Variants in TEX11 observed in about 807,000 individuals in gnomAD.
The protein encoded by TEX11 is testis expressed 11.
Under a neutral mutation model 84.4 loss-of-function variants are expected in TEX11, and 7 were observed. The ratio of observed to expected loss-of-function variants is 0.08; its 90% confidence interval spans 0.05 to 0.16. TEX11 has a LOEUF of 0.16. Ranked by LOEUF, TEX11 falls within the 10% of genes least tolerant of loss-of-function variation. The pLI is 1.00. For missense variants in TEX11, 551 were observed against 660.5 expected, an observed-to-expected ratio of 0.83 and a Z score of 1.82; for synonymous variants, 264 against 222.8, an observed-to-expected ratio of 1.18 and a Z score of -1.64.
At chrX:70,808,605 G>A (rs754630416) in intron 8 of TEX11, among the ~76,000 whole-genome samples, 1 of 108,611 alleles carries the variant, frequency 9.2e-6, no homozygotes, top group South Asian at 4.0e-4. Context: ...ATGCCTGAAG[G>A]GATGAATACT....
chrX:70,529,175 A>G lies in TEX11; in HGVS notation c.2698T>C (p.Tyr900His), dbSNP rs1011465821. The change falls in exon 30 of 30, where the codon TAT (tyrosine) becomes CAT (histidine). Residue 900 changes from tyrosine (Y) to histidine (H), a missense_variant. Coordinates refer to ENST00000374333, the MANE Select transcript of TEX11 (RefSeq NM_031276.3). Reference protein sequence around the residue: ...ESYETQMNMLYSQLVEALSNN... With the variant: ...ESYETQMNMLHSQLVEALSNN... ...CTCAATGCTTCCACAAGCTGACTAT[A>G]CAGCATATTCATCTGGGAAAGAGAA... is the stretch of plus-strand genomic sequence containing the variant. 1 of 1,202,771 alleles carries G rather than the reference A, an allele frequency of 8.3e-7. No homozygotes were observed. Among genetic ancestry groups the G allele is most frequent in the African/African-American group, 1.7e-5 (1 of 57,600 alleles).
intron 7 of TEX11, among the ~76,000 whole-genome samples, chrX:70,845,700 C>T (rs1295556585): frequency 3.6e-5 from 4 of 110,324 alleles, no homozygotes; most frequent in Non-Finnish European, 5.7e-5. Flanking sequence ...TGGTGATGCG[C>T]ACCTGTAGTC....
At chrX:70,809,427 T>C (rs1367940283) in intron 8 of TEX11, among the ~76,000 whole-genome samples, 1 of 111,591 alleles carries the variant, frequency 9.0e-6, no homozygotes, top group Admixed American at 9.6e-5. Context: ...TGGTAAACTA[T>C]ATAGAGATGA....
At chrX:70,713,830 T>C (rs1341132369) in intron 13 of TEX11, among the ~76,000 whole-genome samples, 5 of 111,415 alleles carry the variant, frequency 4.5e-5, no homozygotes, top group African/African-American at 1.6e-4. Context: ...TTGCCTTCTG[T>C]TAGCTTTTGC....
intron 8 of TEX11, among the ~76,000 whole-genome samples, chrX:70,821,128 A>T (rs2091316371): frequency 8.9e-6 from 1 of 112,085 alleles, no homozygotes; most frequent in African/African-American, 3.2e-5. Flanking sequence ...AATGTGCAAG[A>T]TATGTAAGGA....
intron 9 of TEX11, among the ~76,000 whole-genome samples, chrX:70,799,729 C>A (rs1329524499): frequency 1.8e-5 from 2 of 111,846 alleles, no homozygotes; most frequent in Non-Finnish European, 3.8e-5. Flanking sequence ...GATTTTGATC[C>A]CACTTGTTTA....
intron 25 of TEX11, among the ~76,000 whole-genome samples, chrX:70,581,011 TG>T (rs2088766019): frequency 9.0e-6 from 1 of 111,614 alleles, no homozygotes; most frequent in Admixed American, 9.6e-5. Flanking sequence ...TGTTTTGTTT[TG>T]TTTTTTTGAG....
chrX:70,741,027 TTTAATATAATTATG>T (rs1414685538), intron 10 of TEX11, among the ~76,000 whole-genome samples: 1 of 111,426 alleles, frequency 9.0e-6, no homozygotes, highest in Non-Finnish European at 1.9e-5. Flanking sequence ...CTTATTTACA[TTTAATATAATTATG>T]TTAATATAAT....
chrX:70,789,558 TCAAA>T (rs1009514681), intron 9 of TEX11, among the ~76,000 whole-genome samples: 2 of 111,610 alleles, frequency 1.8e-5, no homozygotes, highest in East Asian at 5.6e-4. Flanking sequence ...AGACTCTGTC[TCAAA>T]CAAACAAACA....
intron 9 of TEX11, among the ~76,000 whole-genome samples, chrX:70,771,193 C>T (rs750642375): frequency 3.6e-5 from 4 of 112,640 alleles, no homozygotes; most frequent in Non-Finnish European, 5.6e-5. Flanking sequence ...GCACAGAGCT[C>T]CCTTTCTCTG....
intron 4 of TEX11, among the ~76,000 whole-genome samples, chrX:70,861,918 C>G (rs2043767865): frequency 8.9e-6 from 1 of 111,863 alleles, no homozygotes; most frequent in African/African-American, 3.2e-5. Context: ...TGTTCAACAT[C>G]TGACAAAATC....
intron 4 of TEX11, among the ~76,000 whole-genome samples, 166 bp from the exon 5 acceptor site, chrX:70,861,102 C>T (rs1175520761): frequency 2.0e-5 from 2 of 98,653 alleles, no homozygotes; most frequent in Non-Finnish European, 4.1e-5. Flanking sequence ...CGCTCTGTCG[C>T]CCAGGCTGGA....
chrX:70,693,885 T>C (rs2090257614), intron 13 of TEX11, among the ~76,000 whole-genome samples: 1 of 112,008 alleles, frequency 8.9e-6, no homozygotes, highest in South Asian at 3.8e-4. Context: ...TCACCTTGAC[T>C]GTATACAATT....
intron 18 of TEX11, among the ~76,000 whole-genome samples, chrX:70,626,997 G>A (rs1377202344): frequency 8.9e-6 from 1 of 112,259 alleles, no homozygotes; most frequent in Non-Finnish European, 1.9e-5. Flanking sequence ...TGTCCTGGAA[G>A]CCAACTGTGT....
chrX:70,690,032 A>C (rs2090221135), intron 13 of TEX11, among the ~76,000 whole-genome samples: 1 of 111,636 alleles, frequency 9.0e-6, no homozygotes. Flanking sequence ...TATCAGAAAA[A>C]ATCTAATACA....
intron 24 of TEX11, among the ~76,000 whole-genome samples, chrX:70,593,940 C>T (rs780713715): frequency 2.5e-4 from 28 of 110,459 alleles, no homozygotes; most frequent in Non-Finnish European, 4.0e-4. Flanking sequence ...AGAAAAGGAG[C>T]GAAAAAGAGA....
At chrX:70,559,260 G>C (rs1263213342) in intron 25 of TEX11, among the ~76,000 whole-genome samples, 1 of 112,361 alleles carries the variant, frequency 8.9e-6, no homozygotes, top group Non-Finnish European at 1.9e-5. Context: ...GTACTGACAT[G>C]CCACAACATG....
chrX:70,633,881 G>A (rs769713586), intron 17 of TEX11, among the ~76,000 whole-genome samples: 56 of 111,659 alleles, frequency 5.0e-4, no homozygotes, highest in Admixed American at 2.6e-3. Flanking sequence ...TCATGCCACC[G>A]CACTCCAGCC....
At chrX:70,682,631 CAAAT>C (rs1603218240) in intron 14 of TEX11, 39 bp downstream of exon 14, 1 of 1,174,991 alleles carries the variant, frequency 8.5e-7, no homozygotes, top group African/African-American at 1.8e-5. Context: ...GAATTATACA[CAAAT>C]TAATACGTTT....
Sources: allele counts gnomAD v4.1 joint callset (sites outside exome capture counted in the v4.1 genomes callset), GRCh38; gene constraint gnomAD v4.1.1; transcripts MANE v1.5; gene names NCBI Gene and HGNC (gene_info 2026-07-23, HGNC 2026-07-21).